GPHN: variants seen among roughly 807,000 people sequenced by gnomAD.
The protein encoded by GPHN is gephyrin.
A neutral mutation model predicts 95.5 loss-of-function variants in GPHN; 17 were observed. The observed-to-expected ratio is 0.18, with a 90% CI of 0.12 to 0.27. The LOEUF is 0.27. Ranked by LOEUF, GPHN falls within the 10% of genes least tolerant of loss-of-function variation. The pLI, the probability that GPHN is intolerant of heterozygous loss-of-function variation, is 1.00. For missense variants in GPHN, 660 were observed against 978.1 expected (o/e 0.67, Z 4.34); for synonymous variants, 320 against 322.5 (o/e 0.99, Z 0.08).
At chr14:66,940,231 A>AG (rs1222042135) in intron 8 of GPHN, among the ~76,000 whole-genome samples, 1 of 39,544 alleles carries the variant, frequency 2.5e-5, no homozygotes, top group African/African-American at 6.1e-4. Context: ...AGGAAAAAGG[A>AG]AAAAAAAAAA....
the GPHN span, chr14:67,302,093 T>C: frequency 6.2e-7 from 1 of 1,606,052 alleles, no homozygotes; most frequent in Non-Finnish European, 8.5e-7. Context: ...ATAGTTCGTA[T>C]AGAAAAGGCT....
chr14:67,303,643 C>T, the GPHN span: 2 of 1,293,706 alleles, frequency 1.5e-6, no homozygotes, highest in South Asian at 1.2e-5. Context: ...TTTGTGGATG[C>T]TGTTTACTTC....
chr14:67,491,287 C>T, the GPHN span, among the ~76,000 whole-genome samples: 1 of 152,168 alleles, frequency 6.6e-6, no homozygotes, highest in African/African-American at 2.4e-5. Flanking sequence ...GTTCAGCCAC[C>T]CAGAAACCTA....
chr14:67,204,565 T>C, the GPHN span: 1 of 1,613,484 alleles, frequency 6.2e-7, no homozygotes, highest in Non-Finnish European at 8.5e-7. Flanking sequence ...TGTGACTCTT[T>C]CTGTGCATGA....
intron 1 of GPHN, among the ~76,000 whole-genome samples, chr14:66,528,659 T>C (rs2058787586): frequency 6.6e-6 from 1 of 152,170 alleles, no homozygotes; most frequent in Admixed American, 6.5e-5. Flanking sequence ...GCAGGCCTCG[T>C]GGTGACAGAA....
At chr14:67,678,207 A>G in the GPHN span, 1 of 694,162 alleles carries the variant, frequency 1.4e-6, no homozygotes. Context: ...CAAGGCTGGA[A>G]GGTTTTGCTC....
At chr14:67,696,823 A>G in the GPHN span, among the ~76,000 whole-genome samples, 1 of 152,062 alleles carries the variant, frequency 6.6e-6, no homozygotes, top group Non-Finnish European at 1.5e-5. Flanking sequence ...ACCCAGTAAT[A>G]TTTTCTGGTC....
the GPHN span, chr14:67,582,341 G>A: frequency 3.4e-6 from 5 of 1,487,794 alleles, no homozygotes; most frequent in African/African-American, 2.8e-5. This position sits in a 1 kb window ranked among gnomAD's most constrained non-coding sequence, Gnocchi z 5.0. Flanking sequence ...CCATCTCTGG[G>A]ATGGAAAGCA....
chr14:67,678,788 C>T, the GPHN span, among the ~76,000 whole-genome samples: 1 of 151,734 alleles, frequency 6.6e-6, no homozygotes, highest in African/African-American at 2.4e-5. Context: ...TGGACAATGT[C>T]ATATAGCTGA....
chr14:66,872,449 G>T (rs895052376), intron 4 of GPHN, among the ~76,000 whole-genome samples: 5 of 152,124 alleles, frequency 3.3e-5, no homozygotes, highest in African/African-American at 9.7e-5. Context: ...AGCCTAAAAT[G>T]TATCTTGACC....
At chr14:66,612,759 C>G (rs377348817) in intron 1 of GPHN, among the ~76,000 whole-genome samples, 174 of 152,148 alleles carry the variant, frequency 1.1e-3, no homozygotes, top group African/African-American at 3.9e-3. Flanking sequence ...TTTAACTTTT[C>G]TTCACCTTTT....
At chr14:66,824,387 G>A (rs988315415) in intron 3 of GPHN, 87 bp from the exon 4 acceptor site, 26 of 706,602 alleles carry the variant, frequency 3.7e-5, no homozygotes, top group African/African-American at 2.3e-4. Context: ...GTGTTTCCTC[G>A]TTGAATACAA....
chr14:67,536,850 G>A, the GPHN span, among the ~76,000 whole-genome samples: 1 of 151,748 alleles, frequency 6.6e-6, no homozygotes, highest in Non-Finnish European at 1.5e-5. Flanking sequence ...TGACCAGACT[G>A]GCCAACATGG....
At chr14:66,835,063 C>T (rs1301598832) in intron 4 of GPHN, among the ~76,000 whole-genome samples, 4 of 151,132 alleles carry the variant, frequency 2.6e-5, no homozygotes, top group Non-Finnish European at 5.9e-5. Flanking sequence ...GTAGTATTCT[C>T]TGATGGTAGT....
intron 20 of GPHN, among the ~76,000 whole-genome samples, chr14:67,165,617 G>A (rs2082232228): frequency 6.6e-6 from 1 of 152,178 alleles, no homozygotes; most frequent in African/African-American, 2.4e-5. Context: ...TGCTCTAGAG[G>A]CCAAAATGCC....
At chr14:67,700,538 AC>A in the GPHN span, among the ~76,000 whole-genome samples, 3 of 151,394 alleles carry the variant, frequency 2.0e-5, no homozygotes, top group Non-Finnish European at 4.4e-5. Context: ...ACACGATGAA[AC>A]CCCGTCTCTA....
chr14:67,494,900 T>A, the GPHN span, among the ~76,000 whole-genome samples: 3 of 152,142 alleles, frequency 2.0e-5, no homozygotes, highest in Non-Finnish European at 4.4e-5. Flanking sequence ...TTGCTTGAAG[T>A]TAGGAGTTTG....
chr14:66,850,384 C>T (rs1183550706), intron 4 of GPHN, among the ~76,000 whole-genome samples: 1 of 152,140 alleles, frequency 6.6e-6, no homozygotes, highest in African/African-American at 2.4e-5. Flanking sequence ...TTATAAACTT[C>T]TCTGACATGT....
At chr14:67,245,066 C>T in the GPHN span, among the ~76,000 whole-genome samples, 2 of 152,198 alleles carry the variant, frequency 1.3e-5, no homozygotes, top group African/African-American at 4.8e-5. Context: ...TGTCTAGAAT[C>T]TTGAAGAGGC....
Sources: allele counts gnomAD v4.1 joint callset (sites outside exome capture counted in the v4.1 genomes callset), GRCh38; gene constraint gnomAD v4.1.1; non-coding constraint Gnocchi (gnomAD v3.1); transcripts MANE v1.5; gene names NCBI Gene and HGNC (gene_info 2026-07-23, HGNC 2026-07-21).